Variants in KCNT2 observed in about 807,000 individuals in gnomAD.
KCNT2 encodes the protein potassium sodium-activated channel subfamily T member 2.
Under a neutral mutation model 153.8 loss-of-function variants are expected in KCNT2, and 67 were observed. The observed-to-expected ratio is 0.44, with a 90% confidence interval of 0.36 to 0.53. KCNT2 has a LOEUF of 0.53. KCNT2 is among the 20% of genes least tolerant of loss of function. The probability of loss-of-function intolerance (pLI) is 0.00; values close to 1 mark genes in which losing one functional copy is unlikely to be tolerated. For synonymous variants in KCNT2, 500 were observed against 458.8 expected (o/e 1.09, Z -1.15); for missense variants, 975 against 1,354.8 (o/e 0.72, Z 4.40).
intron 1 of KCNT2, among the ~76,000 whole-genome samples, chr1:196,564,651 A>G (rs1307772290): frequency 1.3e-5 from 2 of 152,030 alleles, no homozygotes; most frequent in Admixed American, 1.3e-4. Context: ...AAAAACAGAT[A>G]CAAAGATCAA....
At chr1:196,320,772 T>A (rs1355305677) in intron 19 of KCNT2, among the ~76,000 whole-genome samples, 1 of 151,692 alleles carries the variant, frequency 6.6e-6, no homozygotes, top group Non-Finnish European at 1.5e-5. Flanking sequence ...ATTTCTCCTA[T>A]CATTAATTTT....
intron 1 of KCNT2, among the ~76,000 whole-genome samples, chr1:196,552,940 A>G (rs532535187): frequency 6.6e-6 from 1 of 151,464 alleles, no homozygotes; most frequent in African/African-American, 2.4e-5. Context: ...AATAAAAGGC[A>G]GGAAATTAAA....
chr1:196,238,373 T>G (rs763387549), intron 26 of KCNT2, among the ~76,000 whole-genome samples: 1 of 151,946 alleles, frequency 6.6e-6, no homozygotes, highest in Admixed American at 6.6e-5. Context: ...CTGAAGATAT[T>G]TATTTTCCCA....
chr1:196,520,997 C>G (rs1653309981), intron 1 of KCNT2, among the ~76,000 whole-genome samples: 1 of 152,106 alleles, frequency 6.6e-6, no homozygotes, highest in African/African-American at 2.4e-5. Flanking sequence ...AAACTATCAA[C>G]AGAGTAAACA....
At chr1:196,390,668 C>A (rs1230393518) in intron 13 of KCNT2, among the ~76,000 whole-genome samples, 1 of 149,836 alleles carries the variant, frequency 6.7e-6, no homozygotes, top group Non-Finnish European at 1.5e-5. Flanking sequence ...TTACCGAATA[C>A]TTGCATTATT....
At chr1:196,423,577 T>C (rs1337980332) in intron 11 of KCNT2, among the ~76,000 whole-genome samples, 1 of 151,752 alleles carries the variant, frequency 6.6e-6, no homozygotes, top group Admixed American at 6.6e-5. Flanking sequence ...TCCAAGCCCC[T>C]TCCCCTCATA....
At position 196,225,947 on chromosome 1, in the gene KCNT2, A is replaced by T. The variant is rs1174166973; in HGVS notation, c.*2277T>A. 1 of 152,098 alleles carries T rather than the reference A, an allele frequency of 6.6e-6. No homozygotes were observed. Among genetic ancestry groups the T allele is most frequent in the Non-Finnish European group, 1.5e-5 (1 of 67,954 alleles). The allele number at this position is 152,098 out of a possible 1,614,324, so 9.4% of individuals were successfully genotyped here. A position where few individuals can be genotyped will look rare whatever the true frequency, so the allele number is the denominator to read the frequency against. The stretch of plus-strand genomic sequence containing the variant: ...AGTATAATTATTTTAAAAAGGCAAC[A>T]TTTCATTAAAAGTCTTTTATAAGCA... On this transcript the variant is annotated 3_prime_UTR_variant, in exon 28 of 28. Transcript: ENST00000294725.
chr1:196,363,984 C>T (rs1010229421), intron 14 of KCNT2, among the ~76,000 whole-genome samples: 1 of 151,840 alleles, frequency 6.6e-6, no homozygotes, highest in African/African-American at 2.4e-5. Flanking sequence ...ATACTGATTC[C>T]AATCTCATCC....
chr1:196,518,858 C>A (rs902549180), intron 1 of KCNT2, among the ~76,000 whole-genome samples: 1 of 152,092 alleles, frequency 6.6e-6, no homozygotes, highest in Non-Finnish European at 1.5e-5. Context: ...CATCAACACT[C>A]CAATGACAGT....
chr1:196,367,427 C>T (rs910264909), intron 14 of KCNT2, among the ~76,000 whole-genome samples: 4 of 151,968 alleles, frequency 2.6e-5, no homozygotes, highest in African/African-American at 7.2e-5. Context: ...TTTACCATTT[C>T]GTTCGTATGA....
chr1:196,300,634 C>T (rs1661097150), intron 22 of KCNT2, among the ~76,000 whole-genome samples: 2 of 152,166 alleles, frequency 1.3e-5, no homozygotes, highest in African/African-American at 4.8e-5. Flanking sequence ...ATGATACCCC[C>T]TTTGTCCAAT....
intron 13 of KCNT2, among the ~76,000 whole-genome samples, chr1:196,379,669 T>C (rs1014326902): frequency 2.6e-5 from 4 of 152,198 alleles, no homozygotes; most frequent in Middle Eastern, 3.4e-3. Context: ...ATCTTGTATT[T>C]TCTTCTCATC....
intron 14 of KCNT2, among the ~76,000 whole-genome samples, chr1:196,362,243 A>G (rs1667694604): frequency 6.6e-6 from 1 of 152,072 alleles, no homozygotes. Flanking sequence ...GTTTAGGATT[A>G]AAGGGAAACA....
intron 1 of KCNT2, among the ~76,000 whole-genome samples, chr1:196,558,157 A>G (rs572915511): frequency 1.3e-5 from 2 of 151,556 alleles, no homozygotes; most frequent in Non-Finnish European, 3.0e-5. Context: ...TTAGAAAATG[A>G]CACAATATAA....
chr1:196,370,434 A>G (rs16839822), intron 14 of KCNT2, among the ~76,000 whole-genome samples: 7,552 of 152,170 alleles, frequency 0.05, 282 homozygotes, highest in Non-Finnish European at 0.072. Context: ...AACAAATAGA[A>G]AAAGAAAATG....
chr1:196,347,168 C>T (rs1572119412), intron 14 of KCNT2, among the ~76,000 whole-genome samples: 1 of 152,090 alleles, frequency 6.6e-6, no homozygotes, highest in African/African-American at 2.4e-5. Flanking sequence ...CTTGAGGCTA[C>T]TAGGATATTA....
chr1:196,432,096 C>A (rs1236507943), intron 8 of KCNT2, among the ~76,000 whole-genome samples: 3 of 152,084 alleles, frequency 2.0e-5, no homozygotes, highest in Admixed American at 1.3e-4. Flanking sequence ...TGCTCTTTGG[C>A]TACCCCAAGT....
chr1:196,458,326 A>C (rs918767079), intron 8 of KCNT2, among the ~76,000 whole-genome samples: 1 of 152,016 alleles, frequency 6.6e-6, no homozygotes, highest in African/African-American at 2.4e-5. Context: ...ATTTTATTTT[A>C]GAAAATATTT....
In KCNT2 at chr1:196,340,254, T is replaced by C. The variant is rs1665487995; in HGVS notation, c.1783+87A>G. Reference sequence around the variant, plus strand: ...CATGTTTGAAATTTTCTTTAAACTTTTAATAAAAATTTAAATGCATTGGTA... The same window carrying C: ...CATGTTTGAAATTTTCTTTAAACTTCTAATAAAAATTTAAATGCATTGGTA... On this transcript the variant is annotated intron_variant, in intron 16 of 27. Transcript: ENST00000294725. 1.3e-5 allele frequency: 11 copies of C among 856,888 alleles called. No individual in the cohort carries two copies. The East Asian group carries it at 1.9e-4, about 15-fold the overall frequency. The allele number at this position is 856,888 out of a possible 1,614,324, so 53.1% of individuals were successfully genotyped here.
Sources: gnomAD v4.1 joint callset for allele counts (sites outside exome capture counted in the v4.1 genomes callset) on GRCh38, gnomAD v4.1.1 for gene constraint, MANE v1.5 for transcripts, NCBI Gene and HGNC (gene_info 2026-07-23, HGNC 2026-07-21) for gene names.